Variants in ESR1 observed in about 807,000 individuals in gnomAD.
ESR1 encodes estrogen receptor 1, also known as estrogen receptor.
A neutral mutation model predicts 52.7 loss-of-function variants in ESR1; 12 were observed. The observed-to-expected ratio is 0.23, with a 90% CI of 0.15 to 0.37. The LOEUF (loss-of-function observed/expected upper bound fraction) is 0.37. Ranked by LOEUF, ESR1 falls within the 10% of genes least tolerant of loss-of-function variation. The probability of loss-of-function intolerance (pLI) is 1.00; values close to 1 mark genes in which losing one functional copy is unlikely to be tolerated. For missense variants in ESR1, 584 were observed against 779.7 expected, an observed-to-expected ratio of 0.75 and a Z score of 2.99; for synonymous variants, 305 against 316.8, an observed-to-expected ratio of 0.96 and a Z score of 0.39.
In ESR1 at chr6:152,098,043, A is replaced by T. The variant is rs145774457; in HGVS notation, c.1554-689A>T. Among the ~76,000 whole-genome samples, 381 of 152,274 alleles carry T rather than the reference A, an allele frequency of 2.5e-3. 3 individuals are homozygous for T. The highest frequency in any genetic ancestry group is 8.8e-3 in the African/African-American group (366 of 41,552). On this transcript the variant is annotated intron_variant, in intron 7 of 7. Transcript: ENST00000206249. The surrounding 1 kb of genome is among the most constrained non-coding windows in gnomAD (Gnocchi z 5.1). Reference sequence around the variant, plus strand: ...CGAGGAGGCGGCATTTGAAGACCGGAGGAAGGTTCATCCCAGCAAGTAGGA... The same window carrying T: ...CGAGGAGGCGGCATTTGAAGACCGGTGGAAGGTTCATCCCAGCAAGTAGGA...
At chr6:152,012,052 ACTCTCTCT>A (rs149855024) in intron 5 of ESR1, among the ~76,000 whole-genome samples, 1 of 143,374 alleles carries the variant, frequency 7.0e-6, no homozygotes, top group Non-Finnish European at 1.5e-5. Context: ...ACACACTCAC[ACTCTCTCT>A]CTCTCTCTCT....
intron 4 of ESR1, among the ~76,000 whole-genome samples, chr6:151,991,810 T>C (rs1229517776): frequency 6.6e-6 from 1 of 152,192 alleles, no homozygotes; most frequent in Non-Finnish European, 1.5e-5. Context: ...ACACAAACCC[T>C]GAGCTTTCTT....
intron 5 of ESR1, among the ~76,000 whole-genome samples, chr6:152,015,249 C>T (rs1300405704): frequency 6.6e-6 from 1 of 152,110 alleles, no homozygotes; most frequent in Non-Finnish European, 1.5e-5. Flanking sequence ...TTCTGAGAGA[C>T]CCTCCACCAT....
intron 6 of ESR1, among the ~76,000 whole-genome samples, chr6:152,117,302 CCAA>C (rs1021574226): frequency 9.2e-5 from 14 of 152,278 alleles, no homozygotes; most frequent in East Asian, 5.8e-4. Flanking sequence ...CTTTCTGAGC[CCAA>C]CAACAGCTCC....
At chr6:151,983,771 C>CT (rs1458726669) in intron 4 of ESR1, among the ~76,000 whole-genome samples, 1 of 152,044 alleles carries the variant, frequency 6.6e-6, no homozygotes, top group Non-Finnish European at 1.5e-5. Context: ...AGCTCTTTTA[C>CT]TTGAATACCT....
chr6:151,912,031 C>T (rs1418063722), intron 3 of ESR1, among the ~76,000 whole-genome samples: 2 of 152,204 alleles, frequency 1.3e-5, no homozygotes, highest in Non-Finnish European at 2.9e-5. Flanking sequence ...GTTGCACTCT[C>T]TGTATTCAAG....
chr6:151,795,860 G>A (rs942985619), intron 2 of ESR1, among the ~76,000 whole-genome samples: 3 of 152,012 alleles, frequency 2.0e-5, no homozygotes, highest in South Asian at 2.1e-4. Flanking sequence ...CAAAAATGAC[G>A]AAGATGTGGC....
intron 3 of ESR1, among the ~76,000 whole-genome samples, chr6:151,896,328 G>A (rs1354944719): frequency 6.6e-6 from 1 of 152,066 alleles, no homozygotes; most frequent in African/African-American, 2.4e-5. Flanking sequence ...TTTTTGTGTT[G>A]TTGGTAATTT....
At chr6:151,812,653 A>G (rs977311356) in intron 1 of ESR1, among the ~76,000 whole-genome samples, 2 of 152,182 alleles carry the variant, frequency 1.3e-5, no homozygotes, top group African/African-American at 2.4e-5. Context: ...AGAAGAACCC[A>G]GTAGAGAGAG....
chr6:151,778,699 C>A lies in ESR1; in HGVS notation c.-70-29144C>A, dbSNP rs374021052. Among the ~76,000 whole-genome samples, 53 of 152,250 alleles carry A rather than the reference C, an allele frequency of 3.5e-4. No homozygotes were observed. The Middle Eastern group carries it at 0.017, about 49-fold the overall frequency. ...GGGATTACAGGTGTGAGCCACCATA[C>A]CTGCCATATTTACAACTTTTAAATC... On this transcript the variant is annotated intron_variant, in intron 2 of 2. Transcript: ENST00000404742.
At chr6:152,084,683 A>C (rs900556134) in intron 6 of ESR1, among the ~76,000 whole-genome samples, 4 of 150,664 alleles carry the variant, frequency 2.7e-5, no homozygotes, top group Non-Finnish European at 5.9e-5. Context: ...ATTTTATTAT[A>C]AGGTTCACAG....
chr6:151,966,881 A>C (rs911685807), intron 4 of ESR1, among the ~76,000 whole-genome samples: 2 of 152,198 alleles, frequency 1.3e-5, no homozygotes, highest in African/African-American at 4.8e-5. Context: ...CCTCCATCAG[A>C]AACCCTTCTT....
At chr6:151,947,575 G>A (rs1163218408) in intron 4 of ESR1, among the ~76,000 whole-genome samples, 1 of 152,128 alleles carries the variant, frequency 6.6e-6, no homozygotes, top group East Asian at 1.9e-4. Context: ...TTAATTAACA[G>A]AATATTGTCA....
At chr6:151,957,289 G>A (rs970052584) in intron 4 of ESR1, among the ~76,000 whole-genome samples, 10 of 152,032 alleles carry the variant, frequency 6.6e-5, no homozygotes, top group African/African-American at 2.4e-4. Flanking sequence ...TGATTTCGAG[G>A]ATTTGGATAT....
chr6:151,687,746 G>C (rs78672296), upstream of ESR1, among the ~76,000 whole-genome samples: 2,117 of 152,212 alleles, frequency 0.014, 49 homozygotes, highest in African/African-American at 0.049. Context: ...AAAATTTCTA[G>C]AATTTCATTG....
At chr6:151,887,143 C>T (rs942485542) in intron 3 of ESR1, among the ~76,000 whole-genome samples, 8 of 151,128 alleles carry the variant, frequency 5.3e-5, no homozygotes, top group South Asian at 2.1e-4. Flanking sequence ...TTTGGATTGC[C>T]GAATAATTGT....
intron 4 of ESR1, among the ~76,000 whole-genome samples, chr6:152,008,068 A>G (rs1408151428): frequency 6.6e-6 from 1 of 152,124 alleles, no homozygotes; most frequent in Non-Finnish European, 1.5e-5. Flanking sequence ...TCCATTGGCT[A>G]TGAACTGAAG....
chr6:151,940,656 A>C (rs1441670011), intron 3 of ESR1, among the ~76,000 whole-genome samples: 1 of 152,212 alleles, frequency 6.6e-6, no homozygotes, highest in Non-Finnish European at 1.5e-5. Context: ...CCTTTCTTAG[A>C]GAAGTTTTCT....
At chr6:151,682,265 G>T (rs1320495841) in intron 1 of ESR1, among the ~76,000 whole-genome samples, 1 of 152,148 alleles carries the variant, frequency 6.6e-6, no homozygotes, top group Admixed American at 6.5e-5. Flanking sequence ...CCATTGAATT[G>T]CACGGTAGAG....
Sources: gnomAD v4.1 joint callset for allele counts (sites outside exome capture counted in the v4.1 genomes callset) on GRCh38, gnomAD v4.1.1 for gene constraint, Gnocchi (gnomAD v3.1) non-coding constraint, MANE v1.5 for transcripts, NCBI Gene and HGNC (gene_info 2026-07-23, HGNC 2026-07-21) for gene names.